NPR3: variants seen among roughly 807,000 people sequenced by gnomAD.
NPR3 encodes the protein atrial natriuretic peptide receptor 3.
NPR3 carries 34 observed loss-of-function variants against 54.5 expected under a neutral mutation model. That is an observed-to-expected ratio of 0.62 (90% CI 0.47 to 0.83). The LOEUF (loss-of-function observed/expected upper bound fraction) is 0.83, where lower values mean the gene tolerates loss of function less well. Ranked by LOEUF, NPR3 falls within the 40% of genes least tolerant of loss-of-function variation. NPR3 has a pLI of 0.00. For synonymous variants in NPR3, 289 were observed against 297.1 expected (o/e 0.97, Z 0.28); for missense variants, 674 against 720.8 (o/e 0.94, Z 0.74).
At chr5:32,730,574 C>T (rs933269231) in intron 2 of NPR3, among the ~76,000 whole-genome samples, 2 of 152,088 alleles carry the variant, frequency 1.3e-5, no homozygotes, top group Admixed American at 6.5e-5. Context: ...TGTAGAGAAT[C>T]CCAAATAATC....
In NPR3 at chr5:32,691,582, C is replaced by A. The variant is rs530976948; in HGVS notation, c.100+2396C>A. ...AGACACACCTGAAAGGCGTTAGAAA[C>A]ATATTGAATTTGTACTGAAGGAATC... On this transcript the variant is annotated intron_variant, in intron 1 of 5. Coordinates refer to the NPR3 transcript ENST00000509104. Among the ~76,000 whole-genome samples the A allele has an allele frequency of 2.2e-4, 33 of 152,338 alleles. No homozygotes were observed. The South Asian group carries it at 6.8e-3, about 32-fold the overall frequency.
chr5:32,718,030 T>C (rs1175855489), intron 1 of NPR3, among the ~76,000 whole-genome samples: 1 of 152,246 alleles, frequency 6.6e-6, no homozygotes, highest in Non-Finnish European at 1.5e-5. Context: ...AATTAATTTT[T>C]GTATAAGGTG....
Position 32,788,397 on chromosome 5 carries a change from A to T in NPR3, c.*2052A>T, listed in dbSNP as rs948592399. 1.3e-5 allele frequency: 2 copies of T among 152,240 alleles called. No homozygotes were observed. The highest frequency in any genetic ancestry group is 4.8e-5 in the African/African-American group (2 of 41,472). 9.4% of individuals were successfully genotyped at this position (152,240 alleles called of 1,614,324 possible). A position where few individuals can be genotyped will look rare whatever the true frequency, so the allele number is the denominator to read the frequency against. Reference sequence around the variant, plus strand: ...TTGGGACTCCCCAAAGTGAAACAGCAAGGAAGGATTGTGTCCATCTTACTT... The same window carrying T: ...TTGGGACTCCCCAAAGTGAAACAGCTAGGAAGGATTGTGTCCATCTTACTT... On this transcript the variant is annotated 3_prime_UTR_variant, in exon 8 of 8. Transcript: ENST00000265074.
chr5:32,779,370 T>C (rs956522953), intron 4 of NPR3, among the ~76,000 whole-genome samples: 1 of 152,226 alleles, frequency 6.6e-6, no homozygotes, highest in African/African-American at 2.4e-5. Flanking sequence ...ATGAAAATTA[T>C]GACATAGACA....
chr5:32,719,598 A>G (rs1029807851), intron 1 of NPR3, among the ~76,000 whole-genome samples: 2 of 152,134 alleles, frequency 1.3e-5, no homozygotes, highest in East Asian at 1.9e-4. Context: ...TGTGTACTCA[A>G]TAGGCCTCTT....
In NPR3 at chr5:32,788,808, A is replaced by G. The variant is rs1357335633; in HGVS notation, c.*2463A>G. On this transcript the variant is annotated 3_prime_UTR_variant, in exon 8 of 8. Coordinates refer to ENST00000265074, the MANE Select transcript of NPR3 (RefSeq NM_001204375.2). ...CTGGATGCTATACCAATTTAAAATC[A>G]ATTCTTATGTTAATATTGATTGCTT... 6.6e-6 allele frequency: 1 copy of G among 152,220 alleles called. No homozygotes were observed. Among genetic ancestry groups the G allele is most frequent in the East Asian group, 1.9e-4 (1 of 5,196 alleles). 9.4% of individuals were successfully genotyped at this position (152,220 alleles called of 1,614,324 possible). A position where few individuals can be genotyped will look rare whatever the true frequency, so the allele number is the denominator to read the frequency against.
intron 3 of NPR3, among the ~76,000 whole-genome samples, chr5:32,746,231 G>A (rs552935239): frequency 3.9e-5 from 6 of 152,136 alleles, no homozygotes; most frequent in Non-Finnish European, 7.4e-5. Flanking sequence ...TCATGAGCTC[G>A]TTAGGTGGAT....
chr5:32,750,404 G>C (rs1428325569), intron 3 of NPR3, among the ~76,000 whole-genome samples: 1 of 152,166 alleles, frequency 6.6e-6, no homozygotes, highest in African/African-American at 2.4e-5. Context: ...CCAAAGTGCT[G>C]GGATTACAAA....
At chr5:32,725,422 A>T (rs1052359639) in intron 2 of NPR3, among the ~76,000 whole-genome samples, 3 of 152,226 alleles carry the variant, frequency 2.0e-5, no homozygotes, top group Non-Finnish European at 4.4e-5. Context: ...CAACAATTCA[A>T]TTGGAGCAAA....
chr5:32,751,983 C>T (rs1346462458), intron 3 of NPR3, among the ~76,000 whole-genome samples: 5 of 152,118 alleles, frequency 3.3e-5, no homozygotes. Flanking sequence ...AGGTGGATCA[C>T]CTGAGGTCGG....
At chr5:32,697,404 G>C (rs376300896) in intron 1 of NPR3, among the ~76,000 whole-genome samples, 44 of 150,920 alleles carry the variant, frequency 2.9e-4, no homozygotes, top group African/African-American at 1.0e-3. Context: ...GAGGATTTCT[G>C]CACCAATGTT....
intron 7 of NPR3, among the ~76,000 whole-genome samples, chr5:32,785,969 T>C (rs1440218983): frequency 9.2e-5 from 14 of 152,226 alleles, no homozygotes; most frequent in Non-Finnish European, 2.9e-5. Context: ...TGTAGCCTAA[T>C]AGACAAGACC....
At chr5:32,723,145 C>T (rs1415155965) in intron 1 of NPR3, among the ~76,000 whole-genome samples, 1 of 152,204 alleles carries the variant, frequency 6.6e-6, no homozygotes, top group Non-Finnish European at 1.5e-5. Flanking sequence ...AAAGAACATA[C>T]ACATCTTGGA....
At chr5:32,758,218 A>C (rs971355828) in intron 3 of NPR3, among the ~76,000 whole-genome samples, 2 of 152,182 alleles carry the variant, frequency 1.3e-5, no homozygotes, top group African/African-American at 4.8e-5. Flanking sequence ...TTCGGCTGTG[A>C]ATCCATCTGG....
chr5:32,776,426 C>T (rs572093829), intron 4 of NPR3, among the ~76,000 whole-genome samples: 138 of 152,324 alleles, frequency 9.1e-4, no homozygotes, highest in Middle Eastern at 3.4e-3. Context: ...CAACAGGGAA[C>T]ATTGCTACTT....
chr5:32,718,175 C>T (rs13169537), intron 1 of NPR3, among the ~76,000 whole-genome samples: 15,346 of 152,068 alleles, frequency 0.1, 1,330 homozygotes, highest in East Asian at 0.49. Flanking sequence ...TTTCTGAGGC[C>T]TCTGTTCTGT....
chr5:32,732,047 C>T (rs1739482423), intron 2 of NPR3, among the ~76,000 whole-genome samples: 1 of 151,898 alleles, frequency 6.6e-6, no homozygotes. Context: ...CGAGACCATC[C>T]TGGCTAACAA....
At chr5:32,736,760 T>A (rs961633201) in intron 2 of NPR3, among the ~76,000 whole-genome samples, 1 of 152,052 alleles carries the variant, frequency 6.6e-6, no homozygotes, top group African/African-American at 2.4e-5. Context: ...GCTCACACTG[T>A]GGCCTCCTCA....
At chr5:32,692,430 C>A (rs4867470) in intron 1 of NPR3, among the ~76,000 whole-genome samples, 54,604 of 151,920 alleles carry the variant, frequency 0.36, 10,130 homozygotes, top group Middle Eastern at 0.47. Flanking sequence ...ATAGATGAGG[C>A]ACAAAGACGA....
Sources: gnomAD v4.1 joint callset for allele counts (sites outside exome capture counted in the v4.1 genomes callset) on GRCh38, gnomAD v4.1.1 for gene constraint, MANE v1.5 for transcripts, NCBI Gene and HGNC (gene_info 2026-07-23, HGNC 2026-07-21) for gene names.